Variants in SCAND3 observed in about 807,000 individuals in gnomAD.
SCAND3 encodes the protein SCAN domain-containing protein 3.
At chr6:28,595,699 G>C in the SCAND3 span, among the ~76,000 whole-genome samples, 4 of 150,268 alleles carry the variant, frequency 2.7e-5, no homozygotes, top group Non-Finnish European at 5.9e-5. Flanking sequence ...TCCAGCCTGG[G>C]CAACAAGAGC....
the SCAND3 span, among the ~76,000 whole-genome samples, chr6:28,605,020 C>A: frequency 1.3e-5 from 2 of 152,174 alleles, no homozygotes; most frequent in Non-Finnish European, 2.9e-5. Context: ...TAGGTTTTGG[C>A]CCATAACAAG....
the SCAND3 span, among the ~76,000 whole-genome samples, chr6:28,583,126 CT>C: frequency 6.6e-6 from 1 of 152,028 alleles, no homozygotes; most frequent in South Asian, 2.1e-4. Context: ...GGCACGGTGG[CT>C]CACGCCTGTA....
chr6:28,576,269 T>C, the SCAND3 span: 6 of 696,448 alleles, frequency 8.6e-6, no homozygotes, highest in Non-Finnish European at 1.4e-5. Context: ...ACCATTTTCT[T>C]TCTTTTTTGA....
At chr6:28,609,975 C>T in the SCAND3 span, among the ~76,000 whole-genome samples, 3 of 152,098 alleles carry the variant, frequency 2.0e-5, no homozygotes, top group East Asian at 5.8e-4. Context: ...CCTGGAATCC[C>T]AGTGCTTTGG....
chr6:28,572,995 C>G, the SCAND3 span: 1 of 1,613,628 alleles, frequency 6.2e-7, no homozygotes. This position sits in a 1 kb window ranked among gnomAD's most constrained non-coding sequence, Gnocchi z 4.1. Context: ...TACTCCTACA[C>G]AAAATTTAAA....
chr6:28,607,298 A>T, the SCAND3 span, among the ~76,000 whole-genome samples: 6 of 151,978 alleles, frequency 3.9e-5, no homozygotes, highest in African/African-American at 1.4e-4. Context: ...CCTCCCGTTA[A>T]ATAAACCTAG....
the SCAND3 span, among the ~76,000 whole-genome samples, chr6:28,603,560 ACTCT>A: frequency 2.6e-5 from 4 of 151,826 alleles, no homozygotes; most frequent in Admixed American, 2.0e-4. Flanking sequence ...TTGCTTTCTG[ACTCT>A]CTAAGGGAAA....
chr6:28,578,884 T>C, the SCAND3 span, among the ~76,000 whole-genome samples: 1 of 152,180 alleles, frequency 6.6e-6, no homozygotes, highest in Non-Finnish European at 1.5e-5. Context: ...TTCCATATTC[T>C]AAGGTAGAAT....
At chr6:28,610,301 C>T in the SCAND3 span, among the ~76,000 whole-genome samples, 15 of 152,140 alleles carry the variant, frequency 9.9e-5, no homozygotes, top group African/African-American at 3.6e-4. Context: ...GTGGGTGGAT[C>T]ACCTGAGGTC....
chr6:28,602,956 A>ATTTTT, the SCAND3 span, among the ~76,000 whole-genome samples: 47 of 94,446 alleles, frequency 5.0e-4, no homozygotes, highest in Non-Finnish European at 5.9e-4. Flanking sequence ...CCAAAAAAAA[A>ATTTTT]TTTTTTTTTT....
At chr6:28,574,083 G>A in the SCAND3 span, among the ~76,000 whole-genome samples, 2 of 152,122 alleles carry the variant, frequency 1.3e-5, no homozygotes, top group African/African-American at 4.8e-5. Flanking sequence ...GCCACCACAT[G>A]TGACTCACCT....
chr6:28,592,460 T>C, the SCAND3 span, among the ~76,000 whole-genome samples: 2 of 152,176 alleles, frequency 1.3e-5, no homozygotes, highest in Non-Finnish European at 1.5e-5. This position sits in a 1 kb window ranked among gnomAD's most constrained non-coding sequence, Gnocchi z 4.1. Context: ...AAATATTCCA[T>C]GTTCATGAAA....
At chr6:28,572,257 A>G in the SCAND3 span, 15 of 1,612,776 alleles carry the variant, frequency 9.3e-6, no homozygotes, top group African/African-American at 1.6e-4. The surrounding 1 kb of genome is among the most constrained non-coding windows in gnomAD (Gnocchi z 4.1). Flanking sequence ...TTTTGATGAA[A>G]GAAATGGATT....
the SCAND3 span, among the ~76,000 whole-genome samples, chr6:28,607,371 T>C: frequency 2.0e-5 from 3 of 152,196 alleles, no homozygotes; most frequent in African/African-American, 7.2e-5. Context: ...TCTGTATCGA[T>C]AGCATTGCCA....
chr6:28,607,231 G>A, the SCAND3 span, among the ~76,000 whole-genome samples: 1 of 152,154 alleles, frequency 6.6e-6, no homozygotes, highest in Non-Finnish European at 1.5e-5. Flanking sequence ...ACCTCCACCA[G>A]TTTTGGGAGT....
At chr6:28,581,222 C>T in the SCAND3 span, among the ~76,000 whole-genome samples, 6 of 152,024 alleles carry the variant, frequency 3.9e-5, no homozygotes, top group African/African-American at 1.5e-4. Flanking sequence ...TCTGTGGTCC[C>T]AGCTACTCAG....
the SCAND3 span, chr6:28,573,544 G>C: frequency 1.9e-6 from 3 of 1,613,058 alleles, no homozygotes; most frequent in Admixed American, 5.0e-5. Context: ...TTTATGTTTT[G>C]AATATAAATG....
At chr6:28,612,654 A>G in the SCAND3 span, among the ~76,000 whole-genome samples, 1 of 152,230 alleles carries the variant, frequency 6.6e-6, no homozygotes, top group Non-Finnish European at 1.5e-5. Context: ...ACGAATCAAA[A>G]CGGTATCTAC....
the SCAND3 span, chr6:28,575,364 G>C: frequency 6.2e-7 from 1 of 1,614,016 alleles, no homozygotes; most frequent in Non-Finnish European, 8.5e-7. This position sits in a 1 kb window ranked among gnomAD's most constrained non-coding sequence, Gnocchi z 4.2. Context: ...TGAGTTCACT[G>C]ACAACCTGGC....
Sources: gnomAD v4.1 joint callset for allele counts (sites outside exome capture counted in the v4.1 genomes callset) on GRCh38, gnomAD v4.1.1 for gene constraint, Gnocchi (gnomAD v3.1) non-coding constraint, MANE v1.5 for transcripts, NCBI Gene and HGNC (gene_info 2026-07-23, HGNC 2026-07-21) for gene names.